The following SLC22A2 variants were observed in gnomAD, a reference collection of about 807,000 sequenced individuals.
SLC22A2 encodes organic cation transporter 2.
In SLC22A2, 46 loss-of-function variants were observed where a neutral mutation model predicts 60.5. The observed-to-expected ratio is 0.76, with a 90% CI of 0.60 to 0.97. SLC22A2 has a LOEUF of 0.97. Ranked by LOEUF, SLC22A2 falls within the 50% of genes least tolerant of loss-of-function variation. The pLI, the probability that SLC22A2 is intolerant of heterozygous loss-of-function variation, is 0.00. For synonymous variants in SLC22A2, 303 were observed against 267.0 expected, an observed-to-expected ratio of 1.13 and a Z score of -1.31; for missense variants, 701 against 706.6, an observed-to-expected ratio of 0.99 and a Z score of 0.09.
chr6:160,258,505 A>G lies in SLC22A2; in HGVS notation c.253T>C (p.Ser85Pro), dbSNP rs1783315941. Residue 85 changes from serine (S) to proline (P), a missense_variant, in exon 1 of 11, where the codon TCC (serine) becomes CCC (proline). Coordinates refer to ENST00000366953, the MANE Select transcript of SLC22A2 (RefSeq NM_003058.4). ...VPGPGPAGEA[S>P]PRQCRRYEVD... ...TCGTAGCGCCTACACTGTCTTGGGG[A>G]GGCTTCGCCCGCAGGTCCTGGGCCC... The G allele has an allele frequency of 1.2e-6, 2 of 1,613,924 alleles. No homozygotes were observed. The highest frequency in any genetic ancestry group is 1.7e-6 in the Non-Finnish European group (2 of 1,179,988).
rs548483090 is a variant in SLC22A2, at chr6:160,232,326, C to T, written c.1502-7522G>A. Among the ~76,000 whole-genome samples, 99 of 152,008 alleles carry T rather than the reference C, an allele frequency of 6.5e-4. 3 individuals carry two copies. Among genetic ancestry groups the T allele is most frequent in the Middle Eastern group, 3.4e-3 (1 of 294 alleles). Reference sequence around the variant, plus strand: ...CAATGGCAGTTCCACCAGGCTTAATCGCCACACACCAGCAAAGGCAGGCTA... The same window carrying T: ...CAATGGCAGTTCCACCAGGCTTAATTGCCACACACCAGCAAAGGCAGGCTA... On this transcript the variant is annotated intron_variant, in intron 9 of 10. Coordinates refer to ENST00000366953, the MANE Select transcript of SLC22A2 (RefSeq NM_003058.4).
Position 160,256,665 on chromosome 6 carries a change from A to G in SLC22A2, c.467T>C (p.Val156Ala). 1 of 1,614,148 alleles carries G rather than the reference A, an allele frequency of 6.2e-7. No individual in the cohort carries two copies. Among genetic ancestry groups the G allele is most frequent in the Admixed American group, 1.7e-5 (1 of 60,022 alleles). The change falls in exon 2 of 11, where the codon GTG becomes GCG. Residue 156 changes from valine (V) to alanine (A), a missense_variant. Physicochemically the swap from Val to Ala is moderately conservative, Grantham distance 64. Transcript: ENST00000366953. ...AGAGCCAATAAAGAATCCTACATTC[A>G]CTGATGACTGGAATAGGTCCAACAT... ...SWMLDLFQSS[V>A]NVGFFIGSMS...
At chr6:160,226,826 C>T (rs1008453065) in intron 9 of SLC22A2, among the ~76,000 whole-genome samples, 10 of 152,088 alleles carry the variant, frequency 6.6e-5, no homozygotes, top group African/African-American at 2.4e-4. Context: ...TCACCCCCAC[C>T]CCTTCCCATT....
intron 9 of SLC22A2, among the ~76,000 whole-genome samples, chr6:160,231,434 C>G (rs1450827534): frequency 6.6e-6 from 1 of 151,730 alleles, no homozygotes; most frequent in African/African-American, 2.4e-5. Context: ...GATCACATGC[C>G]CATTACTATC....
Position 160,258,551 on chromosome 6 carries a change from C to G in SLC22A2, c.207G>C (p.Glu69Asp). Residue 69 changes from glutamate to aspartate, a missense_variant, in exon 1 of 11, where the codon GAG (glutamate) becomes GAC (aspartate). Physicochemically the swap from Glu to Asp is conservative, Grantham distance 45 (BLOSUM62 2). Coordinates refer to ENST00000366953, the MANE Select transcript of SLC22A2 (RefSeq NM_003058.4). ...GGCCCGGCACCGTGTAGTTCAGTTC[C>G]TCTGCAGGACTCCAGCCGCAGCGCA... ...LSLRCGWSPA[E>D]ELNYTVPGPG... The G allele has an allele frequency of 6.2e-7, 1 of 1,613,912 alleles. No homozygotes were observed. The highest frequency in any genetic ancestry group is 1.3e-5 in the African/African-American group (1 of 75,070).
intron 10 of SLC22A2, among the ~76,000 whole-genome samples, chr6:160,218,902 C>CA: frequency 9.2e-4 from 1 of 1,086 alleles, no homozygotes; most frequent in South Asian, 0.033. Flanking sequence ...CAACAGAAGT[C>CA]GCAGCAATAA....
intron 4 of SLC22A2, among the ~76,000 whole-genome samples, chr6:160,248,818 G>C (rs540378849): frequency 6.6e-6 from 1 of 152,210 alleles, no homozygotes; most frequent in East Asian, 1.9e-4. Flanking sequence ...TTGGGAAATG[G>C]TGACACAAGT....
intron 9 of SLC22A2, among the ~76,000 whole-genome samples, chr6:160,227,531 C>G (rs2114852628): frequency 6.6e-6 from 1 of 152,344 alleles, no homozygotes; most frequent in South Asian, 2.1e-4. Context: ...CTACCTTGGA[C>G]ACATGTTCTC....
In SLC22A2 at chr6:160,251,061, C is replaced by T. The variant is rs181972932; in HGVS notation, c.519-359G>A. 1.5e-4 allele frequency among the ~76,000 whole-genome samples: 23 copies of T among 152,312 alleles called. No homozygotes were observed. The East Asian group carries it at 3.7e-3, about 24-fold the overall frequency. ...AGGTCTTACATCACCATGTGAGCTGCGGCCTTTGCACTAACAATTTCAACC... is the reference window on the plus strand; with the variant it reads ...AGGTCTTACATCACCATGTGAGCTGTGGCCTTTGCACTAACAATTTCAACC... On this transcript the variant is annotated intron_variant, in intron 2 of 10. Transcript: ENST00000366953.
chr6:160,255,626 A>G (rs1783257842), intron 2 of SLC22A2, among the ~76,000 whole-genome samples: 1 of 152,132 alleles, frequency 6.6e-6, no homozygotes, highest in East Asian at 1.9e-4. Flanking sequence ...ATTATATATA[A>G]TAATCTATAG....
chr6:160,237,300 T>A (rs1214279953), intron 9 of SLC22A2, among the ~76,000 whole-genome samples: 1 of 152,228 alleles, frequency 6.6e-6, no homozygotes, highest in Non-Finnish European at 1.5e-5. Flanking sequence ...GAAAGCCTTC[T>A]AATTTAGTTT....
chr6:160,220,683 T>C (rs1337420729), intron 10 of SLC22A2, among the ~76,000 whole-genome samples: 1 of 152,202 alleles, frequency 6.6e-6, no homozygotes, highest in Non-Finnish European at 1.5e-5. Context: ...AGAATGGATG[T>C]TGTGTTAGCA....
At chr6:160,230,378 T>C (rs906356104) in intron 9 of SLC22A2, among the ~76,000 whole-genome samples, 1 of 151,958 alleles carries the variant, frequency 6.6e-6, no homozygotes, top group African/African-American at 2.4e-5. Flanking sequence ...ATTTAGGCTC[T>C]TTTTCATCAA....
At chr6:160,248,497 G>C (rs978218483) in intron 4 of SLC22A2, among the ~76,000 whole-genome samples, 4 of 152,184 alleles carry the variant, frequency 2.6e-5, no homozygotes, top group African/African-American at 9.7e-5. Context: ...TTAATTCTTA[G>C]GCAAGACAGC....
chr6:160,225,333 T>C (rs316006), intron 9 of SLC22A2, among the ~76,000 whole-genome samples: 1 of 152,066 alleles, frequency 6.6e-6, no homozygotes, highest in African/African-American at 2.4e-5. Flanking sequence ...TAATCTTTAA[T>C]AATAAACACT....
chr6:160,258,428 C>T lies in SLC22A2; in HGVS notation c.330G>A (p.Leu110=). ...GTGGCAGGCGGCTCCTGTTGGTGTC[C>T]AGGCTGGCCAGGGGGTCCACGCAGT... is the stretch of plus-strand genomic sequence containing the variant. ...TFDCVDPLAS[L]DTNRSRLPLG... Residue 110 remains leucine, a synonymous_variant, in exon 1 of 11, where the codon CTG becomes CTA. Transcript: ENST00000366953. 1 of 1,614,096 alleles carries T rather than the reference C, an allele frequency of 6.2e-7. No homozygotes were observed. The highest frequency in any genetic ancestry group is 8.5e-7 in the Non-Finnish European group (1 of 1,180,028).
chr6:160,228,479 G>C (rs1782763818), intron 9 of SLC22A2, among the ~76,000 whole-genome samples: 1 of 152,164 alleles, frequency 6.6e-6, no homozygotes, highest in South Asian at 2.1e-4. Flanking sequence ...TCTTTCCTAA[G>C]ACTGAGGGGA....
intron 9 of SLC22A2, among the ~76,000 whole-genome samples, chr6:160,226,200 G>A (rs1782719742): frequency 6.6e-6 from 1 of 152,156 alleles, no homozygotes; most frequent in African/African-American, 2.4e-5. Context: ...GACTGACTCA[G>A]CGCAAGACAG....
chr6:160,249,244 G>A lies in SLC22A2; in HGVS notation c.814C>T (p.Pro272Ser), dbSNP rs749641971. Residue 272 changes from proline to serine, a missense_variant, in exon 4 of 11, where the codon CCC (proline) becomes TCC (serine). Physicochemically the swap from Pro to Ser is moderately conservative, Grantham distance 74. Transcript: ENST00000366953. ...TAATAGAGCAAGAAGAAGAAGTTGG[G>A]CAGAGAAACTGTGAACTGCAACCAC... The part of the protein sequence containing the change: ...WRWLQFTVSL[P>S]NFFFLLYYWC... 10 of 1,605,548 alleles carry A rather than the reference G, an allele frequency of 6.2e-6. No homozygotes were observed. Among genetic ancestry groups the A allele is most frequent in the Non-Finnish European group, 8.5e-6 (10 of 1,176,932 alleles).
Sources: allele counts gnomAD v4.1 joint callset (sites outside exome capture counted in the v4.1 genomes callset), GRCh38; gene constraint gnomAD v4.1.1; transcripts MANE v1.5; gene names NCBI Gene and HGNC (gene_info 2026-07-23, HGNC 2026-07-21).